Variants in WBP2NL observed in about 807,000 individuals in gnomAD.
WBP2NL encodes the protein postacrosomal sheath WW domain-binding protein.
Under a neutral mutation model 23.3 loss-of-function variants are expected in WBP2NL, and 27 were observed. That is an observed-to-expected ratio of 1.16 (90% CI 0.85 to 1.60). The LOEUF is 1.60. WBP2NL is among the 40% of genes most tolerant of loss of function. The pLI is 0.00. For synonymous variants in WBP2NL, 151 were observed against 145.9 expected (o/e 1.03, Z -0.25); for missense variants, 370 against 389.5 (o/e 0.95, Z 0.42).
intron 1 of WBP2NL, among the ~76,000 whole-genome samples, chr22:41,999,490 G>A (rs1240402451): frequency 6.6e-6 from 1 of 152,122 alleles, no homozygotes; most frequent in East Asian, 1.9e-4. Context: ...AAACAAAATT[G>A]AAAAAATTGA....
chr22:42,026,738 A>G, intron 5 of WBP2NL, 28 bp from the exon 6 acceptor site: 1 of 1,600,034 alleles, frequency 6.2e-7, no homozygotes, highest in South Asian at 1.1e-5. Flanking sequence ...AGGTAACTGA[A>G]TTTTTTTCCT....
intron 8 of WBP2NL, among the ~76,000 whole-genome samples, chr22:42,054,812 C>G (rs977674029): frequency 6.6e-6 from 1 of 151,880 alleles, no homozygotes; most frequent in African/African-American, 2.4e-5. Context: ...TCGCCTGAAC[C>G]CAGGGGTTTA....
At chr22:42,005,602 C>A (rs79288252) in intron 1 of WBP2NL, among the ~76,000 whole-genome samples, 1,578 of 152,216 alleles carry the variant, frequency 0.01, 20 homozygotes, top group African/African-American at 0.036. Context: ...CTTGTTCATG[C>A]CCTAATTGAA....
intron 1 of WBP2NL, among the ~76,000 whole-genome samples, chr22:42,012,064 C>T (rs1214144921): frequency 1.3e-5 from 2 of 152,144 alleles, no homozygotes; most frequent in Non-Finnish European, 2.9e-5. Context: ...GGCTGAGCCA[C>T]CATGCCTGGC....
chr22:42,041,252 G>A (rs1319242806), intron 8 of WBP2NL, among the ~76,000 whole-genome samples: 1 of 152,174 alleles, frequency 6.6e-6, no homozygotes, highest in Non-Finnish European at 1.5e-5. Context: ...GGGAGGCTGA[G>A]ACAGGCAGAT....
chr22:42,041,960 TG>T (rs1432515711), intron 8 of WBP2NL, among the ~76,000 whole-genome samples: 1 of 152,248 alleles, frequency 6.6e-6, no homozygotes, highest in African/African-American at 2.4e-5. Flanking sequence ...ATAGTATTCT[TG>T]GTTGCCATTT....
intron 8 of WBP2NL, among the ~76,000 whole-genome samples, chr22:42,047,108 G>A (rs1009830229): frequency 6.6e-6 from 1 of 152,044 alleles, no homozygotes; most frequent in African/African-American, 2.4e-5. Flanking sequence ...TATGTTGCAA[G>A]CTTTCAAGAT....
chr22:42,003,158 CAA>C (rs133311), intron 1 of WBP2NL: 102 of 140,034 alleles, frequency 7.3e-4, no homozygotes, highest in Middle Eastern at 3.7e-3. Flanking sequence ...AACTCCATCT[CAA>C]AAAAAAAAAA....
At chr22:42,048,630 C>T (rs1024230891) in intron 8 of WBP2NL, among the ~76,000 whole-genome samples, 1 of 151,592 alleles carries the variant, frequency 6.6e-6, no homozygotes, top group Admixed American at 6.6e-5. Flanking sequence ...GTGGCGGGTG[C>T]CTGTGGTCCC....
At chr22:42,033,994 C>G (rs1257044081), downstream of WBP2NL, among the ~76,000 whole-genome samples, 4 of 152,214 alleles carry the variant, frequency 2.6e-5, no homozygotes, top group Non-Finnish European at 5.9e-5. Flanking sequence ...CCCTTCTACC[C>G]AGGAACCTGT....
At position 41,998,848 on chromosome 22, in the gene WBP2NL, C is replaced by G. The variant is rs201142767; in HGVS notation, c.30C>G (p.Asn10Lys). 10 of 1,612,558 alleles carry G rather than the reference C, an allele frequency of 6.2e-6. No homozygotes were observed. The African/African-American group carries it at 1.3e-4, about 22-fold the overall frequency. MAVNQSHTE[N>K]RRGALIPNGE... is the part of the protein sequence containing the mutation. Reference sequence around the variant, plus strand: ...CGGTGAATCAGAGCCACACCGAGAACCGCCGCGGAGCCCTCATCCCTAACG... The same window carrying G: ...CGGTGAATCAGAGCCACACCGAGAAGCGCCGCGGAGCCCTCATCCCTAACG... Residue 10 changes from asparagine to lysine, a missense_variant, in exon 1 of 6, where the codon AAC becomes AAG. Physicochemically the swap from Asn to Lys is moderately conservative, Grantham distance 94. Coordinates refer to ENST00000328823, the MANE Select transcript of WBP2NL (RefSeq NM_152613.3).
chr22:42,024,517 T>A (rs1245113360), intron 5 of WBP2NL, among the ~76,000 whole-genome samples: 2 of 151,960 alleles, frequency 1.3e-5, no homozygotes, highest in Non-Finnish European at 2.9e-5. Flanking sequence ...AAAAAAAAAA[T>A]CTATATTAAA....
At chr22:42,036,236 G>A (rs757011060), downstream of WBP2NL, among the ~76,000 whole-genome samples, 4 of 151,880 alleles carry the variant, frequency 2.6e-5, no homozygotes, top group Non-Finnish European at 4.4e-5. Context: ...GTGCAGTGGC[G>A]TGATCTGGGC....
Position 42,019,643 on chromosome 22 carries a change from A to G in WBP2NL, c.172-19A>G, listed in dbSNP as rs781012133. ...GACAAATTCTGCATTCCTTTTCCAA[A>G]GTTTCTGTCCTTGCGTAGGTGATTT... On this transcript the variant is annotated intron_variant, in intron 2 of 5. Coordinates refer to ENST00000328823, the MANE Select transcript of WBP2NL (RefSeq NM_152613.3). 3.7e-6 allele frequency: 6 copies of G among 1,613,332 alleles called. No individual in the cohort carries two copies. Among genetic ancestry groups the G allele is most frequent in the Non-Finnish European group, 5.1e-6 (6 of 1,179,762 alleles).
intron 8 of WBP2NL, among the ~76,000 whole-genome samples, chr22:42,045,277 A>G (rs956692477): frequency 1.3e-5 from 2 of 152,006 alleles, no homozygotes; most frequent in African/African-American, 2.4e-5. Flanking sequence ...TCTCTACTAA[A>G]AAAAATACAA....
At chr22:42,041,133 A>G (rs1458306679) in intron 8 of WBP2NL, among the ~76,000 whole-genome samples, 1 of 152,128 alleles carries the variant, frequency 6.6e-6, no homozygotes, top group East Asian at 1.9e-4. Flanking sequence ...GTTGAATTGA[A>G]ACTTTTATCA....
At chr22:42,008,664 A>G (rs951820887) in intron 1 of WBP2NL, among the ~76,000 whole-genome samples, 3 of 151,324 alleles carry the variant, frequency 2.0e-5, no homozygotes, top group African/African-American at 7.3e-5. Flanking sequence ...CTGGAGTGCA[A>G]TGGTGCGATC....
At chr22:42,005,272 G>T (rs1359149586) in intron 1 of WBP2NL, among the ~76,000 whole-genome samples, 1 of 151,858 alleles carries the variant, frequency 6.6e-6, no homozygotes, top group Admixed American at 6.6e-5. Context: ...CCAGCACTTT[G>T]GGAGGCTGAG....
At chr22:42,055,215 C>T (rs948450274) in intron 8 of WBP2NL, among the ~76,000 whole-genome samples, 3 of 152,212 alleles carry the variant, frequency 2.0e-5, no homozygotes, top group Admixed American at 6.5e-5. Context: ...CTCGCTCTGT[C>T]GCCCAGGCTG....
Sources: allele counts gnomAD v4.1 joint callset (sites outside exome capture counted in the v4.1 genomes callset), GRCh38; gene constraint gnomAD v4.1.1; transcripts MANE v1.5; gene names NCBI Gene and HGNC (gene_info 2026-07-23, HGNC 2026-07-21).